GNAS: variants seen among roughly 807,000 people sequenced by gnomAD.
The protein encoded by GNAS is protein ALEX.
GNAS carries 8 observed loss-of-function variants against 54.5 expected under a neutral mutation model. The ratio of observed to expected loss-of-function variants is 0.15; its 90% CI spans 0.09 to 0.26. The LOEUF (loss-of-function observed/expected upper bound fraction) is 0.26. Ranked by LOEUF, GNAS falls within the 10% of genes least tolerant of loss-of-function variation. GNAS has a pLI of 1.00. For missense variants in GNAS, 170 were observed against 529.8 expected (o/e 0.32, Z 6.67); for synonymous variants, 204 against 191.4 (o/e 1.07, Z -0.54).
At chr20:58,866,399 T>C in intron 1 of GNAS, among the ~76,000 whole-genome samples, 1 of 152,248 alleles carries the variant, frequency 6.6e-6, no homozygotes, top group East Asian at 1.9e-4. Flanking sequence ...GGACATTTCC[T>C]GGTCAAGAGT....
chr20:58,847,884 A>C (rs2085996049), intron 1 of GNAS, among the ~76,000 whole-genome samples: 2 of 152,226 alleles, frequency 1.3e-5, no homozygotes, highest in African/African-American at 4.8e-5. Flanking sequence ...CCAGAATGTA[A>C]GTAGAAACAC....
In GNAS at chr20:58,841,487, A is replaced by T; in HGVS notation, c.43+601A>T. 4 of 991,230 alleles carry T rather than the reference A, an allele frequency of 4.0e-6. No homozygotes were observed. Among genetic ancestry groups the T allele is most frequent in the Non-Finnish European group, 4.8e-6 (4 of 834,040 alleles). 61.4% of individuals were successfully genotyped at this position (991,230 alleles called of 1,614,324 possible). A position where few individuals can be genotyped will look rare whatever the true frequency, so the allele number is the denominator to read the frequency against. On this transcript the variant is annotated intron_variant, in intron 1 of 12. Coordinates refer to the GNAS transcript ENST00000306090. The surrounding 1 kb of genome is among the most constrained non-coding windows in gnomAD (Gnocchi z 5.0). ...CTCAGAGCCGGAGCCCAGGTCCCAG[A>T]GCTGACAATTAAGCCGCGGGACCTC...
At chr20:58,880,753 A>AT (rs551267986) in intron 1 of GNAS, among the ~76,000 whole-genome samples, 29 of 145,118 alleles carry the variant, frequency 2.0e-4, no homozygotes, top group East Asian at 4.0e-4. Flanking sequence ...TTATCCATCT[A>AT]TTTTTTTTTT....
chr20:58,855,958 G>T, intron 1 of GNAS: 1 of 341,830 alleles, frequency 2.9e-6, no homozygotes. Context: ...TTCGCTGTTC[G>T]CACACTCTGG....
intron 1 of GNAS, among the ~76,000 whole-genome samples, chr20:58,892,716 A>G (rs2089586060): frequency 6.6e-6 from 1 of 152,088 alleles, no homozygotes. Context: ...CAAATAAAAT[A>G]AGACCACCCC....
chr20:58,847,699 G>A (rs1329822328), intron 1 of GNAS, among the ~76,000 whole-genome samples: 3 of 152,148 alleles, frequency 2.0e-5, no homozygotes, highest in African/African-American at 7.2e-5. Context: ...AAAGGAAAAT[G>A]ACTACCAAAA....
chr20:58,903,283 T>G (rs940916707), intron 3 of GNAS: 1 of 596,706 alleles, frequency 1.7e-6, no homozygotes, highest in Non-Finnish European at 3.0e-6. Flanking sequence ...ATGCAACTTC[T>G]GGTACAGTCA....
At chr20:58,906,458 GT>G (rs2091053117) in intron 6 of GNAS, among the ~76,000 whole-genome samples, 1 of 152,204 alleles carries the variant, frequency 6.6e-6, no homozygotes, top group South Asian at 2.1e-4. Flanking sequence ...CTTTGAAATA[GT>G]TTATGGCTTC....
At chr20:58,871,994 G>A (rs1242854623) in intron 1 of GNAS, among the ~76,000 whole-genome samples, 1 of 152,126 alleles carries the variant, frequency 6.6e-6, no homozygotes, top group African/African-American at 2.4e-5. Context: ...AGGAGAGGCA[G>A]GTTCACAATC....
At chr20:58,859,227 G>T (rs1326547427) in intron 1 of GNAS, among the ~76,000 whole-genome samples, 2 of 152,170 alleles carry the variant, frequency 1.3e-5, no homozygotes, top group Non-Finnish European at 2.9e-5. Flanking sequence ...TTGAAACAAA[G>T]TCTCCCTCTG....
At chr20:58,852,601 G>C in intron 1 of GNAS, 1 of 179,372 alleles carries the variant, frequency 5.6e-6, no homozygotes. Flanking sequence ...GAGTCGGTTG[G>C]GTTGGGGAGG....
chr20:58,899,399 CAA>C (rs1281266740), intron 3 of GNAS: 4 of 519,682 alleles, frequency 7.7e-6, no homozygotes, highest in Admixed American at 4.6e-5. Flanking sequence ...CTCTTTGAAA[CAA>C]AATTTGTTTC....
At chr20:58,845,607 C>T (rs1367579815) in intron 1 of GNAS, among the ~76,000 whole-genome samples, 1 of 152,072 alleles carries the variant, frequency 6.6e-6, no homozygotes, top group Non-Finnish European at 1.5e-5. Flanking sequence ...TAATTTCTTT[C>T]TTACATATCA....
At chr20:58,900,670 A>G (rs1357116664) in intron 3 of GNAS, among the ~76,000 whole-genome samples, 2 of 152,202 alleles carry the variant, frequency 1.3e-5, no homozygotes. Context: ...AGCTAATGGC[A>G]TATGTTTTGC....
chr20:58,843,762 T>A (rs1035387174), intron 1 of GNAS, among the ~76,000 whole-genome samples: 1 of 152,184 alleles, frequency 6.6e-6, no homozygotes, highest in Admixed American at 6.5e-5. Flanking sequence ...TTTGCTTTTG[T>A]GGGGGAGGGG....
chr20:58,889,441 G>T, upstream of GNAS: 1 of 836,922 alleles, frequency 1.2e-6, no homozygotes, highest in South Asian at 5.4e-5. Context: ...AGGCAGGGGC[G>T]CCCGGGCGCC....
At chr20:58,892,093 G>C in intron 1 of GNAS, 1 of 969,172 alleles carries the variant, frequency 1.0e-6, no homozygotes, top group Non-Finnish European at 1.2e-6. Context: ...CGCGGGCGCG[G>C]GTCCCCCTCC....
At chr20:58,871,918 T>A (rs1488099755) in intron 1 of GNAS, among the ~76,000 whole-genome samples, 2 of 152,100 alleles carry the variant, frequency 1.3e-5, no homozygotes, top group Non-Finnish European at 2.9e-5. Context: ...GGTGGAGCGC[T>A]GCCAAGGAGG....
intron 1 of GNAS, chr20:58,854,123 A>C (rs761224587): frequency 6.2e-7 from 1 of 1,612,366 alleles, no homozygotes; most frequent in South Asian, 1.1e-5. Context: ...GCCCATCCCA[A>C]GAGGCTGTCA....
Sources: allele counts gnomAD v4.1 joint callset (sites outside exome capture counted in the v4.1 genomes callset), GRCh38; gene constraint gnomAD v4.1.1; non-coding constraint Gnocchi (gnomAD v3.1); transcripts MANE v1.5; gene names NCBI Gene and HGNC (gene_info 2026-07-23, HGNC 2026-07-21).